The following CLASP2 variants were observed in gnomAD, a reference collection of about 807,000 sequenced individuals.
CLASP2 encodes the protein CLIP-associating protein 2.
Under a neutral mutation model 194.4 loss-of-function variants are expected in CLASP2, and 47 were observed. The ratio of observed to expected loss-of-function variants is 0.24; its 90% CI spans 0.19 to 0.31. The LOEUF is 0.31. Among genes scored for constraint, CLASP2 ranks in the 10% least tolerant of loss-of-function variants. The pLI is 1.00. For synonymous variants in CLASP2, 619 were observed against 633.5 expected, an observed-to-expected ratio of 0.98 and a Z score of 0.34; for missense variants, 1,445 against 1,823.6, an observed-to-expected ratio of 0.79 and a Z score of 3.78.
At chr3:33,521,738 C>A (rs1001006342) in intron 34 of CLASP2, among the ~76,000 whole-genome samples, 1 of 152,148 alleles carries the variant, frequency 6.6e-6, no homozygotes, top group Non-Finnish European at 1.5e-5. Flanking sequence ...GTCTCCTCAA[C>A]CAGACAACAG....
At chr3:33,509,073 T>C (rs2049053630) in intron 37 of CLASP2, among the ~76,000 whole-genome samples, 1 of 152,224 alleles carries the variant, frequency 6.6e-6, no homozygotes, top group Admixed American at 6.5e-5. Flanking sequence ...GAGTTGATAC[T>C]GATTCAGAGG....
At chr3:33,621,498 T>A (rs1289874195) in intron 11 of CLASP2, among the ~76,000 whole-genome samples, 1 of 152,222 alleles carries the variant, frequency 6.6e-6, no homozygotes, top group Non-Finnish European at 1.5e-5. Flanking sequence ...GATAGTTATA[T>A]CATCTGTTAA....
At position 33,506,367 on chromosome 3, in the gene CLASP2, G is replaced by C. The variant is rs185308728; in HGVS notation, c.4317+4191C>G. ...CACTCCAGCCTGGGTGACAGAGTGA[G>C]ACTCTGTCTCGAAAAAAAAAAAAAA... On this transcript the variant is annotated intron_variant, in intron 37 of 38. Transcript: ENST00000682230. Among the ~76,000 whole-genome samples the C allele has an allele frequency of 5.8e-3, 496 of 85,472 alleles. 4 individuals are homozygous for C. Among genetic ancestry groups the C allele is most frequent in the Middle Eastern group, 0.028 (2 of 72 alleles). The allele number at this position is 85,472 out of a possible 152,430, so 56.1% of individuals were successfully genotyped here.
chr3:33,678,801 C>T (rs574559471), intron 6 of CLASP2, among the ~76,000 whole-genome samples: 4 of 152,192 alleles, frequency 2.6e-5, no homozygotes, highest in East Asian at 1.9e-4. Context: ...ATTCCACATT[C>T]GTGGATAGGA....
intron 29 of CLASP2, among the ~76,000 whole-genome samples, chr3:33,554,262 T>C (rs1294481316): frequency 6.6e-6 from 1 of 150,382 alleles, no homozygotes; most frequent in African/African-American, 2.4e-5. Flanking sequence ...AACCTAAGTG[T>C]CTATCAATGG....
chr3:33,696,737 A>T (rs2091956198), intron 2 of CLASP2, 118 bp downstream of exon 2: 9 of 762,982 alleles, frequency 1.2e-5, no homozygotes, highest in Non-Finnish European at 1.8e-5. Context: ...AAGTGCTGGG[A>T]TTACAGAAAT....
intron 12 of CLASP2, 84 bp downstream of exon 12, chr3:33,619,519 G>T: frequency 8.1e-7 from 1 of 1,241,952 alleles, no homozygotes; most frequent in Non-Finnish European, 1.1e-6. Flanking sequence ...GGGGTGGGGT[G>T]GGGAAAGGAG....
chr3:33,507,417 T>G (rs1218046561), intron 37 of CLASP2, among the ~76,000 whole-genome samples: 1 of 152,258 alleles, frequency 6.6e-6, no homozygotes, highest in Non-Finnish European at 1.5e-5. Context: ...TGAACTTCCT[T>G]TAAACTGACA....
intron 34 of CLASP2, among the ~76,000 whole-genome samples, chr3:33,523,871 A>C (rs1354617213): frequency 1.3e-5 from 2 of 152,196 alleles, no homozygotes; most frequent in African/African-American, 4.8e-5. Flanking sequence ...ATTGAAATTA[A>C]ACTGGCATAC....
chr3:33,604,105 T>C (rs750437360), intron 17 of CLASP2, 49 bp downstream of exon 17: 10 of 1,363,430 alleles, frequency 7.3e-6, no homozygotes, highest in South Asian at 3.8e-5. Flanking sequence ...TGAAGGCTAC[T>C]GTTTCAAAGA....
chr3:33,592,496 C>A lies in CLASP2; in HGVS notation c.1967G>T (p.Gly656Val). 6.2e-7 allele frequency: 1 copy of A among 1,607,332 alleles called. No homozygotes were observed. The highest frequency in any genetic ancestry group is 8.5e-7 in the Non-Finnish European group (1 of 1,175,656). Residue 656 changes from glycine (G) to valine (V), a missense_variant and splice_region_variant, in exon 21 of 39, where the codon GGC (glycine) becomes GTC (valine). Gly to Val is a moderately radical substitution (Grantham distance 109). Transcript: ENST00000682230. ...DKLDGTASEDGRVRAKLSAPL... is the reference protein window; with the variant it reads ...DKLDGTASEDVRVRAKLSAPL... ...TGCTGAAAGTTTTGCTCTCACCCGG[C>A]CTGAGAAATAAAATATTTACATAAT...
rs1389801514 is a variant in CLASP2, at chr3:33,501,675, G to T, written c.4411C>A (p.Leu1471Ile). 1 of 1,612,190 alleles carries T rather than the reference G, an allele frequency of 6.2e-7. No homozygotes were observed. Among genetic ancestry groups the T allele is most frequent in the Non-Finnish European group, 8.5e-7 (1 of 1,178,446 alleles). ...ACTTTACTGCCAGTAAGTTGACTGA[G>T]ATGTGGTTTTAGTTCATCACCAATT... ...AVIGDELKPHLSQLTGSKMKL... is the reference protein window; with the variant it reads ...AVIGDELKPHISQLTGSKMKL... The change falls in exon 38 of 39, where the codon CTC (leucine) becomes ATC (isoleucine). Residue 1471 changes from leucine to isoleucine, a missense_variant. By Grantham distance (5) the Leu-to-Ile change is conservative. Coordinates refer to ENST00000682230, the MANE Select transcript of CLASP2 (RefSeq NM_001365631.1).
intron 29 of CLASP2, chr3:33,558,401 C>T (rs961065497): frequency 6.6e-6 from 1 of 152,068 alleles, no homozygotes; most frequent in African/African-American, 2.4e-5. Flanking sequence ...TGGGCAGTAA[C>T]GCTTGTAGAA....
chr3:33,674,713 G>A (rs1365758081), intron 6 of CLASP2, among the ~76,000 whole-genome samples: 1 of 151,998 alleles, frequency 6.6e-6, no homozygotes, highest in African/African-American at 2.4e-5. Flanking sequence ...GAAAAAAAGA[G>A]AGAAGAATCA....
At chr3:33,569,597 T>TATA (rs2063381846) in intron 26 of CLASP2, among the ~76,000 whole-genome samples, 1 of 152,186 alleles carries the variant, frequency 6.6e-6, no homozygotes. Context: ...CTATCTAGAA[T>TATA]GGTATAGTTA....
At position 33,696,657 on chromosome 3, in the gene CLASP2, G is replaced by A. The variant is rs747395010; in HGVS notation, c.274+198C>T. Among the ~76,000 whole-genome samples, 98 of 151,804 alleles carry A rather than the reference G, an allele frequency of 6.5e-4. 1 individual carries two copies. The highest frequency in any genetic ancestry group is 2.6e-4 in the Non-Finnish European group (18 of 67,958). On this transcript the variant is annotated intron_variant, in intron 2 of 38. Transcript: ENST00000682230. ...ATTTTTGTATTTTTTGTAGAGACAC[G>A]GTTTTGCCATGTTGGCCAGGCTGGT...
intron 12 of CLASP2, among the ~76,000 whole-genome samples, chr3:33,618,533 C>T (rs1172729449): frequency 1.7e-5 from 2 of 120,186 alleles, no homozygotes; most frequent in African/African-American, 3.1e-5. Flanking sequence ...CTGTAGTACC[C>T]GCTACTTGGA....
chr3:33,647,607 T>C (rs1005777380), intron 7 of CLASP2, among the ~76,000 whole-genome samples: 2 of 152,212 alleles, frequency 1.3e-5, no homozygotes, highest in Non-Finnish European at 2.9e-5. Context: ...CCAAAGCAGT[T>C]ATATACACAC....
At chr3:33,667,993 G>A (rs946678347) in intron 6 of CLASP2, among the ~76,000 whole-genome samples, 2 of 152,158 alleles carry the variant, frequency 1.3e-5, no homozygotes, top group African/African-American at 2.4e-5. Flanking sequence ...GCTGAAGCAG[G>A]CAAATCACAA....
Sources: gnomAD v4.1 joint callset for allele counts (sites outside exome capture counted in the v4.1 genomes callset) on GRCh38, gnomAD v4.1.1 for gene constraint, MANE v1.5 for transcripts, NCBI Gene and HGNC (gene_info 2026-07-23, HGNC 2026-07-21) for gene names.